The following FLRT1 variants were observed in gnomAD, a reference collection of about 807,000 sequenced individuals.
The protein encoded by FLRT1 is leucine-rich repeat transmembrane protein FLRT1.
In FLRT1, 14 loss-of-function variants were observed where a neutral mutation model predicts 30.9. That is an observed-to-expected ratio of 0.45 (90% CI 0.30 to 0.71). The LOEUF is 0.71. Ranked by LOEUF, FLRT1 falls within the 30% of genes least tolerant of loss-of-function variation. The pLI, the probability that FLRT1 is intolerant of heterozygous loss-of-function variation, is 0.08. For synonymous variants in FLRT1, 368 were observed against 430.4 expected, an observed-to-expected ratio of 0.85 and a Z score of 1.80; for missense variants, 737 against 949.2, an observed-to-expected ratio of 0.78 and a Z score of 2.94.
rs771128166 is a variant in FLRT1 at position 64,067,859 on chromosome 11, C to T, written c.-1038+31700C>T. Among the ~76,000 whole-genome samples the T allele has an allele frequency of 5.3e-5, 8 of 152,148 alleles. No individual in the cohort carries two copies. The highest frequency in any genetic ancestry group is 3.9e-4 in the East Asian group (2 of 5,184). ...TGAGGGGGTTGGGGGAGGAGCTGAG[C>T]GGCCCACTTCCTGCTGCTGTCCATT... On this transcript the variant is annotated intron_variant, in intron 1 of 2. Coordinates refer to ENST00000682287, the MANE Select transcript of FLRT1 (RefSeq NM_013280.5). This position sits in a 1 kb window ranked among gnomAD's most constrained non-coding sequence, Gnocchi z 4.6.
chr11:64,077,578 T>C (rs1033176221), intron 1 of FLRT1, among the ~76,000 whole-genome samples: 1 of 152,060 alleles, frequency 6.6e-6, no homozygotes, highest in Non-Finnish European at 1.5e-5. Flanking sequence ...CCAGTGCACA[T>C]GTGCACACAT....
intron 1 of FLRT1, among the ~76,000 whole-genome samples, chr11:64,054,216 C>T (rs1943743532): frequency 6.6e-6 from 1 of 152,182 alleles, no homozygotes; most frequent in Admixed American, 6.5e-5. Context: ...TTTAGGTCTT[C>T]CAGGTTTGAG....
intron 1 of FLRT1, among the ~76,000 whole-genome samples, chr11:64,100,926 C>T (rs535691794): frequency 4.6e-5 from 7 of 152,278 alleles, no homozygotes; most frequent in African/African-American, 1.2e-4. Flanking sequence ...CCAAGAGCCT[C>T]ACTTAGTGCC....
rs1469437955 is a variant in FLRT1 at position 64,090,770 on chromosome 11, G to A, written c.-1037-12424G>A. 2.6e-5 allele frequency among the ~76,000 whole-genome samples: 4 copies of A among 151,922 alleles called. No individual in the cohort carries two copies. Among genetic ancestry groups the A allele is most frequent in the African/African-American group, 2.4e-5 (1 of 41,374 alleles). On this transcript the variant is annotated intron_variant, in intron 1 of 2. Transcript: ENST00000682287. This position sits in a 1 kb window ranked among gnomAD's most constrained non-coding sequence, Gnocchi z 4.7. ...AAGACTAAAAGGGGGGCGGGGTGGC[G>A]GCGTCTCTCCACCAGGCACTTGGGG...
At chr11:64,116,149 A>C in intron 2 of FLRT1, 70 bp from the exon 3 acceptor site, 1 of 1,434,670 alleles carries the variant, frequency 7.0e-7, no homozygotes, top group Non-Finnish European at 9.2e-7. Context: ...GTGGGAGGGA[A>C]TGCACGATTC....
At chr11:64,075,356 C>G (rs183927931) in intron 1 of FLRT1, among the ~76,000 whole-genome samples, 2 of 152,250 alleles carry the variant, frequency 1.3e-5, no homozygotes. Context: ...CTAAACCGTT[C>G]CCTGGGCACT....
chr11:64,069,042 G>A (rs1944056987), intron 1 of FLRT1, among the ~76,000 whole-genome samples: 1 of 152,194 alleles, frequency 6.6e-6, no homozygotes, highest in Non-Finnish European at 1.5e-5. Flanking sequence ...GATTCCTCCG[G>A]GGGCAGTGGC....
Position 64,044,003 on chromosome 11 carries a change from C to T in FLRT1, c.-1038+7844C>T, listed in dbSNP as rs556959260. ...TAATTTTTCATATTTTTAGTAGAGA[C>T]GGGGATTCACCATGTTAGGCAGGAT... On this transcript the variant is annotated intron_variant, in intron 1 of 2. Coordinates refer to ENST00000682287, the MANE Select transcript of FLRT1 (RefSeq NM_013280.5). 3.9e-5 allele frequency among the ~76,000 whole-genome samples: 6 copies of T among 152,048 alleles called. No homozygotes were observed. In the East Asian group the frequency reaches 5.8e-4, roughly 15 times the overall value.
chr11:64,063,434 G>A (rs1272853339), intron 1 of FLRT1, among the ~76,000 whole-genome samples: 1 of 152,120 alleles, frequency 6.6e-6, no homozygotes, highest in Non-Finnish European at 1.5e-5. Flanking sequence ...AGAGGAGGAG[G>A]ACTTCCAGGG....
At chr11:64,050,793 A>G (rs933404033) in intron 1 of FLRT1, among the ~76,000 whole-genome samples, 5 of 152,070 alleles carry the variant, frequency 3.3e-5, no homozygotes, top group Non-Finnish European at 7.4e-5. Flanking sequence ...TAATTTTTGT[A>G]TTTCTAGTTG....
At chr11:64,072,263 AG>A (rs1438257586) in intron 1 of FLRT1, among the ~76,000 whole-genome samples, 4 of 152,004 alleles carry the variant, frequency 2.6e-5, no homozygotes, top group African/African-American at 7.3e-5. Flanking sequence ...AGATGGGTAC[AG>A]GGGTGATGCC....
chr11:64,073,315 C>T (rs1311972117), intron 1 of FLRT1, among the ~76,000 whole-genome samples: 1 of 152,234 alleles, frequency 6.6e-6, no homozygotes, highest in Non-Finnish European at 1.5e-5. Flanking sequence ...CCTGTGCCCC[C>T]AGCAGACTCC....
intron 2 of FLRT1, among the ~76,000 whole-genome samples, chr11:64,113,925 T>C (rs1266149800): frequency 1.3e-5 from 2 of 148,996 alleles, no homozygotes; most frequent in Non-Finnish European, 3.0e-5. Flanking sequence ...GGTGGATGCA[T>C]GGATTGATGC....
At chr11:64,055,395 C>T (rs190252741) in intron 1 of FLRT1, among the ~76,000 whole-genome samples, 49 of 152,326 alleles carry the variant, frequency 3.2e-4, no homozygotes, top group African/African-American at 9.4e-4. Context: ...TCACAAGAAA[C>T]GATGGGGGAT....
At chr11:64,085,036 G>C (rs182171148) in intron 1 of FLRT1, among the ~76,000 whole-genome samples, 316 of 152,304 alleles carry the variant, frequency 2.1e-3, no homozygotes, top group African/African-American at 6.9e-3. Flanking sequence ...CCATTTTACA[G>C]ATAAAGAAAC....
intron 1 of FLRT1, among the ~76,000 whole-genome samples, chr11:64,077,276 C>A (rs1379956516): frequency 1.3e-5 from 2 of 152,202 alleles, no homozygotes; most frequent in African/African-American, 4.8e-5. Flanking sequence ...CCCCAGGCGG[C>A]CAGCTGGAAA....
At chr11:64,066,464 A>T (rs989489619) in intron 1 of FLRT1, among the ~76,000 whole-genome samples, 1 of 151,372 alleles carries the variant, frequency 6.6e-6, no homozygotes, top group Admixed American at 6.6e-5. Context: ...AAAAAATTTT[A>T]AAAAATTAGC....
chr11:64,113,799 G>GA (rs1944909090), intron 2 of FLRT1, among the ~76,000 whole-genome samples: 1 of 149,626 alleles, frequency 6.7e-6, no homozygotes, highest in African/African-American at 2.5e-5. Flanking sequence ...GTGCATGCAT[G>GA]ATGGATGAAT....
chr11:64,116,467 G>C lies in FLRT1; in HGVS notation c.200G>C (p.Cys67Ser). ...CGCTGCGACAACGGCTTCATCTACT[G>C]CAACGACCGGGGACTCACATCCATC... ...VCRCDNGFIY[C>S]NDRGLTSIPA... Residue 67 changes from cysteine to serine, a missense_variant, in exon 3 of 3, where the codon TGC becomes TCC. By Grantham distance (112) the Cys-to-Ser change is moderately radical (BLOSUM62 -1). Coordinates refer to ENST00000682287, the MANE Select transcript of FLRT1 (RefSeq NM_013280.5). 1 of 1,614,002 alleles carries C rather than the reference G, an allele frequency of 6.2e-7. No homozygotes were observed. The highest frequency in any genetic ancestry group is 8.5e-7 in the Non-Finnish European group (1 of 1,180,016).
Sources: allele counts gnomAD v4.1 joint callset (sites outside exome capture counted in the v4.1 genomes callset), GRCh38; gene constraint gnomAD v4.1.1; non-coding constraint Gnocchi (gnomAD v3.1); transcripts MANE v1.5; gene names NCBI Gene and HGNC (gene_info 2026-07-23, HGNC 2026-07-21).